Variants in AKAP6 observed in about 807,000 individuals in gnomAD.
AKAP6 encodes the protein A-kinase anchor protein 6.
AKAP6 carries 58 observed loss-of-function variants against 188.5 expected under a neutral mutation model. The observed-to-expected ratio is 0.31, with a 90% CI of 0.25 to 0.38. The LOEUF is 0.38. AKAP6 is among the 10% of genes least tolerant of loss of function. The pLI, the probability that AKAP6 is intolerant of heterozygous loss-of-function variation, is 1.00. For missense variants in AKAP6, 2,710 were observed against 2,740.0 expected, an observed-to-expected ratio of 0.99 and a Z score of 0.24; for synonymous variants, 989 against 998.6, an observed-to-expected ratio of 0.99 and a Z score of 0.18.
chr14:32,502,493 C>T (rs902172530), intron 2 of AKAP6, among the ~76,000 whole-genome samples: 10 of 151,986 alleles, frequency 6.6e-5, no homozygotes, highest in Admixed American at 4.6e-4. Context: ...ATTTACAGAG[C>T]CAAAAATTTA....
chr14:32,805,050 A>C (rs1566724282), intron 12 of AKAP6, among the ~76,000 whole-genome samples: 1 of 152,254 alleles, frequency 6.6e-6, no homozygotes, highest in East Asian at 1.9e-4. Context: ...TTTTACAATC[A>C]ATTTGTACAG....
At chr14:32,398,821 C>CCTCT (rs1482831090) in intron 1 of AKAP6, among the ~76,000 whole-genome samples, 1 of 133,936 alleles carries the variant, frequency 7.5e-6, no homozygotes, top group Non-Finnish European at 1.6e-5. Flanking sequence ...CCCCTCTCTC[C>CCTCT]CTCTCTCTCT....
At chr14:32,408,460 G>A (rs972368310) in intron 1 of AKAP6, among the ~76,000 whole-genome samples, 1 of 150,578 alleles carries the variant, frequency 6.6e-6, no homozygotes, top group Non-Finnish European at 1.5e-5. Context: ...AGTAATTGAC[G>A]GACTGGTTTT....
At chr14:32,559,708 G>T (rs541658746) in intron 4 of AKAP6, among the ~76,000 whole-genome samples, 1 of 151,780 alleles carries the variant, frequency 6.6e-6, no homozygotes, top group South Asian at 2.1e-4. Context: ...GAATCCCTGG[G>T]GTTGGGTATT....
At chr14:32,394,448 C>T (rs921866156) in intron 1 of AKAP6, among the ~76,000 whole-genome samples, 1 of 152,012 alleles carries the variant, frequency 6.6e-6, no homozygotes, top group Non-Finnish European at 1.5e-5. Flanking sequence ...TGTACTTCTA[C>T]AAGGTGAGAT....
At position 32,741,515 on chromosome 14, in the gene AKAP6, T is replaced by C. The variant is rs189122740; in HGVS notation, c.3372+5633T>C. ...GTGGCTCGGTCGTATATAGCTTTTA[T>C]TATGTTGAGATATGTTCCATCCATC... is the stretch of plus-strand genomic sequence containing the variant. On this transcript the variant is annotated intron_variant, in intron 11 of 13. Transcript: ENST00000280979. Among the ~76,000 whole-genome samples, 601 of 152,170 alleles carry C rather than the reference T, an allele frequency of 3.9e-3. 2 individuals carry two copies. The highest frequency in any genetic ancestry group is 6.3e-3 in the Non-Finnish European group (428 of 67,936).
At chr14:32,598,041 T>A (rs532411346) in intron 5 of AKAP6, among the ~76,000 whole-genome samples, 10 of 152,204 alleles carry the variant, frequency 6.6e-5, no homozygotes, top group Non-Finnish European at 1.3e-4. Flanking sequence ...TTATATTCCC[T>A]AAATCTCTAT....
At chr14:32,334,426 A>G (rs1033986961) in intron 1 of AKAP6, among the ~76,000 whole-genome samples, 3 of 152,136 alleles carry the variant, frequency 2.0e-5, no homozygotes, top group Non-Finnish European at 1.5e-5. Context: ...CAGATCAACT[A>G]TCTCGCTATC....
chr14:32,435,549 G>C (rs1284447917), intron 2 of AKAP6, among the ~76,000 whole-genome samples: 2 of 152,116 alleles, frequency 1.3e-5, no homozygotes, highest in Non-Finnish European at 2.9e-5. Flanking sequence ...TCTTACCTTG[G>C]TCAAAAGGTA....
intron 1 of AKAP6, among the ~76,000 whole-genome samples, chr14:32,420,909 T>TTGTGTGTGTGTGTGTGTGTGTGTG (rs71432053): frequency 1.4e-5 from 2 of 146,410 alleles, no homozygotes; most frequent in Non-Finnish European, 3.0e-5. Flanking sequence ...GGAGATTGAT[T>TTGTGTGTGTGTGTGTGTGTGTGTG]TGTGTGTGTG....
chr14:32,824,546 A>G lies in AKAP6; in HGVS notation c.6733A>G (p.Thr2245Ala). The G allele has an allele frequency of 6.2e-7, 1 of 1,613,866 alleles. No individual in the cohort carries two copies. The change falls in exon 13 of 14, where the codon ACT (threonine) becomes GCT (alanine). Residue 2245 changes from threonine to alanine, a missense_variant. Physicochemically the swap from Thr to Ala is moderately conservative, Grantham distance 58. Transcript: ENST00000280979. Reference sequence around the variant, plus strand: ...TGGCTGTGCAGAAAACTTAGAGTTTACTCCTTCAAAGCTTGACAGTGAAAA... The same window carrying G: ...TGGCTGTGCAGAAAACTTAGAGTTTGCTCCTTCAAAGCTTGACAGTGAAAA... ...SSGCAENLEF[T>A]PSKLDSEKES...
At chr14:32,524,157 CA>C (rs11429816) in intron 2 of AKAP6, among the ~76,000 whole-genome samples, 42 of 144,696 alleles carry the variant, frequency 2.9e-4, no homozygotes, top group East Asian at 6.1e-4. Flanking sequence ...GAGCCTGTTT[CA>C]AAAAAAAAAA....
chr14:32,657,961 C>T (rs1042763410), intron 7 of AKAP6, among the ~76,000 whole-genome samples: 5 of 151,978 alleles, frequency 3.3e-5, no homozygotes, highest in African/African-American at 1.2e-4. Flanking sequence ...TGTTGGTGGT[C>T]GCACACATGG....
chr14:32,676,401 C>T (rs1460843577), intron 7 of AKAP6, among the ~76,000 whole-genome samples: 1 of 152,004 alleles, frequency 6.6e-6, no homozygotes, highest in Non-Finnish European at 1.5e-5. Flanking sequence ...GTTTGCAAAC[C>T]TCTTAGTTGG....
intron 2 of AKAP6, among the ~76,000 whole-genome samples, chr14:32,505,223 G>C (rs1338433845): frequency 6.6e-6 from 1 of 151,870 alleles, no homozygotes; most frequent in South Asian, 2.1e-4. Flanking sequence ...ATAATTGTTA[G>C]TGTTAATTAT....
At chr14:32,507,262 A>G (rs1207369369) in intron 2 of AKAP6, among the ~76,000 whole-genome samples, 1 of 152,230 alleles carries the variant, frequency 6.6e-6, no homozygotes, top group Non-Finnish European at 1.5e-5. Context: ...CAAAATTTGT[A>G]GTCTAATGTT....
chr14:32,790,173 A>G (rs1414451087), intron 12 of AKAP6, among the ~76,000 whole-genome samples: 1 of 152,196 alleles, frequency 6.6e-6, no homozygotes, highest in African/African-American at 2.4e-5. Flanking sequence ...AGAATAGGGA[A>G]AAAGAACAAA....
chr14:32,708,921 G>C (rs1300001538), intron 9 of AKAP6, among the ~76,000 whole-genome samples: 1 of 151,960 alleles, frequency 6.6e-6, no homozygotes, highest in Non-Finnish European at 1.5e-5. Context: ...TCATCTGCCT[G>C]GTGGTACTAA....
At chr14:32,410,488 T>G (rs1182648739) in intron 1 of AKAP6, among the ~76,000 whole-genome samples, 1 of 152,180 alleles carries the variant, frequency 6.6e-6, no homozygotes. Flanking sequence ...CCAAAATGTA[T>G]AAAACCAGGC....
Sources: allele counts gnomAD v4.1 joint callset (sites outside exome capture counted in the v4.1 genomes callset), GRCh38; gene constraint gnomAD v4.1.1; transcripts MANE v1.5; gene names NCBI Gene and HGNC (gene_info 2026-07-23, HGNC 2026-07-21).